The following CADPS2 variants were observed in gnomAD, a reference collection of about 807,000 sequenced individuals.
The protein encoded by CADPS2 is calcium dependent secretion activator 2.
CADPS2 carries 93 observed loss-of-function variants against 172.5 expected under a neutral mutation model. That is an observed-to-expected ratio of 0.54 (90% CI 0.46 to 0.64). CADPS2 has a LOEUF of 0.64. CADPS2 is among the 30% of genes least tolerant of loss of function. CADPS2 has a pLI of 0.00. For synonymous variants in CADPS2, 546 were observed against 555.2 expected (o/e 0.98, Z 0.23); for missense variants, 1,420 against 1,565.9 (o/e 0.91, Z 1.57).
chr7:122,872,817 T>A (rs1454513025), intron 1 of CADPS2, among the ~76,000 whole-genome samples: 1 of 152,010 alleles, frequency 6.6e-6, no homozygotes, highest in African/African-American at 2.4e-5. Flanking sequence ...AGAAAAAAAA[T>A]TTAAATAGGG....
At chr7:122,538,387 G>A (rs1465718701) in intron 8 of CADPS2, among the ~76,000 whole-genome samples, 5 of 143,038 alleles carry the variant, frequency 3.5e-5, no homozygotes, top group Non-Finnish European at 6.1e-5. Context: ...AAAACACAAG[G>A]AGAAGCTTAA....
chr7:122,409,790 C>T (rs71573096), intron 19 of CADPS2, among the ~76,000 whole-genome samples: 6,287 of 152,246 alleles, frequency 0.041, 235 homozygotes, highest in Non-Finnish European at 0.057. Flanking sequence ...ATAATTCCCT[C>T]CCTAGGGTAT....
At chr7:122,557,866 C>T (rs2065228633) in intron 7 of CADPS2, among the ~76,000 whole-genome samples, 1 of 152,148 alleles carries the variant, frequency 6.6e-6, no homozygotes, top group African/African-American at 2.4e-5. Flanking sequence ...TAAGTAGGGA[C>T]ATATGAAAGT....
chr7:122,772,056 C>T (rs949632381), intron 1 of CADPS2, among the ~76,000 whole-genome samples: 6 of 152,122 alleles, frequency 3.9e-5, no homozygotes, highest in African/African-American at 1.4e-4. Flanking sequence ...AGTGTTAGAA[C>T]TGGTTTTGAG....
At chr7:122,753,559 T>C (rs977535546) in intron 1 of CADPS2, among the ~76,000 whole-genome samples, 1 of 152,180 alleles carries the variant, frequency 6.6e-6, no homozygotes, top group African/African-American at 2.4e-5. Flanking sequence ...TTTAGTGATA[T>C]TTTGGGAAAA....
At chr7:122,704,257 T>A (rs568170165) in intron 2 of CADPS2, among the ~76,000 whole-genome samples, 137 of 151,454 alleles carry the variant, frequency 9.0e-4, no homozygotes, top group Middle Eastern at 3.4e-3. Flanking sequence ...TTTGCTTTTT[T>A]AAAAAAAAAC....
At chr7:122,534,026 A>C (rs756502333) in intron 8 of CADPS2, among the ~76,000 whole-genome samples, 37 of 152,130 alleles carry the variant, frequency 2.4e-4, no homozygotes, top group Non-Finnish European at 4.7e-4. Context: ...ACTAACATGC[A>C]CCCAAGGCAC....
At chr7:122,823,023 T>G (rs891796268) in intron 1 of CADPS2, among the ~76,000 whole-genome samples, 3 of 152,220 alleles carry the variant, frequency 2.0e-5, no homozygotes, top group Non-Finnish European at 4.4e-5. Flanking sequence ...TGAGATGATA[T>G]CTCATTATAG....
At chr7:122,447,810 C>T (rs2052494351) in intron 15 of CADPS2, among the ~76,000 whole-genome samples, 1 of 151,940 alleles carries the variant, frequency 6.6e-6, no homozygotes, top group South Asian at 2.1e-4. Context: ...ACCTCAGTCT[C>T]CCAAAATGTT....
At chr7:122,731,674 GA>G (rs35015771) in intron 2 of CADPS2, among the ~76,000 whole-genome samples, 33,206 of 149,418 alleles carry the variant, frequency 0.22, 3,714 homozygotes, top group Middle Eastern at 0.31. Flanking sequence ...GTGAAGAGGG[GA>G]AAAAAAAACC....
At chr7:122,483,338 GA>G (rs376450164) in intron 11 of CADPS2, among the ~76,000 whole-genome samples, 44 of 152,248 alleles carry the variant, frequency 2.9e-4, no homozygotes, top group African/African-American at 1.1e-3. Context: ...CAAGCTAGAA[GA>G]AAGTGGAGCA....
chr7:122,369,472 T>C (rs1049451245), intron 25 of CADPS2, among the ~76,000 whole-genome samples: 2 of 152,124 alleles, frequency 1.3e-5, no homozygotes, highest in African/African-American at 4.8e-5. Flanking sequence ...TTTCCATAGG[T>C]GTTCCAGTTA....
At chr7:122,360,871 A>T in intron 26 of CADPS2, 51 bp from the exon 27 acceptor site, 3 of 1,595,970 alleles carry the variant, frequency 1.9e-6, no homozygotes, top group Non-Finnish European at 2.6e-6. Context: ...TTTAACTGCC[A>T]TATAAGTACT....
intron 2 of CADPS2, chr7:122,702,159 G>A (rs1208831604): frequency 6.2e-7 from 1 of 1,613,596 alleles, no homozygotes; most frequent in African/African-American, 1.3e-5. Context: ...GTGGCAGCCA[G>A]GAAGGTAAAT....
chr7:122,832,303 TAA>T (rs573358039), intron 1 of CADPS2, among the ~76,000 whole-genome samples: 26 of 131,484 alleles, frequency 2.0e-4, no homozygotes, highest in African/African-American at 5.6e-4. Context: ...AAAAAGTGTG[TAA>T]AAAAAAAAAA....
intron 1 of CADPS2, among the ~76,000 whole-genome samples, chr7:122,848,786 A>C (rs1812724844): frequency 1.3e-5 from 2 of 152,190 alleles, no homozygotes; most frequent in Non-Finnish European, 2.9e-5. Flanking sequence ...AGTTTCAGAC[A>C]CCTAAGTAAC....
chr7:122,435,809 T>G (rs914699204), intron 17 of CADPS2, among the ~76,000 whole-genome samples: 1 of 152,064 alleles, frequency 6.6e-6, no homozygotes, highest in African/African-American at 2.4e-5. Flanking sequence ...ATACATACAA[T>G]AGAATATTAT....
intron 11 of CADPS2, among the ~76,000 whole-genome samples, chr7:122,484,736 T>C (rs904490212): frequency 6.6e-6 from 1 of 152,040 alleles, no homozygotes; most frequent in African/African-American, 2.4e-5. Context: ...GAGAAAATAT[T>C]TGCAAATCAC....
chr7:122,563,407 G>A (rs1444128773), intron 7 of CADPS2, among the ~76,000 whole-genome samples: 1 of 152,052 alleles, frequency 6.6e-6, no homozygotes, highest in Non-Finnish European at 1.5e-5. Context: ...GGAATGCTTT[G>A]TGAAATTTAA....
Sources: gnomAD v4.1 joint callset for allele counts (sites outside exome capture counted in the v4.1 genomes callset) on GRCh38, gnomAD v4.1.1 for gene constraint, MANE v1.5 for transcripts, NCBI Gene and HGNC (gene_info 2026-07-23, HGNC 2026-07-21) for gene names.